Variants in CNGB1 observed in about 807,000 individuals in gnomAD.
CNGB1 encodes cyclic nucleotide gated channel subunit beta 1, also known as cyclic nucleotide-gated channel beta-1.
A neutral mutation model predicts 151.7 loss-of-function variants in CNGB1; 126 were observed. The ratio of observed to expected loss-of-function variants is 0.83; its 90% CI spans 0.72 to 0.96. The LOEUF is 0.96. CNGB1 is among the 40% of genes least tolerant of loss of function. The probability of loss-of-function intolerance (pLI) is 0.00; values close to 1 mark genes in which losing one functional copy is unlikely to be tolerated. For missense variants in CNGB1, 1,698 were observed against 1,627.0 expected (o/e 1.04, Z -0.75); for synonymous variants, 623 against 635.1 (o/e 0.98, Z 0.29).
At position 57,970,296 on chromosome 16, in the gene CNGB1, C is replaced by T. The variant is rs575650527; in HGVS notation, c.-9+764G>A. On this transcript the variant is annotated intron_variant, in intron 1 of 32. Coordinates refer to ENST00000251102, the MANE Select transcript of CNGB1 (RefSeq NM_001297.5). ...TTCACTGACCCCAGCCAGCCCCAGG[C>T]AGCCCCGAGAGCCAGGGCTGAGCTA... 3.4e-4 allele frequency among the ~76,000 whole-genome samples: 52 copies of T among 152,342 alleles called. 1 individual carries two copies. In the East Asian group the frequency reaches 9.6e-3, roughly 28 times the overall value.
At chr16:57,945,428 G>A (rs376211685) in intron 14 of CNGB1, among the ~76,000 whole-genome samples, 191 of 152,356 alleles carry the variant, frequency 1.3e-3, no homozygotes, top group African/African-American at 4.4e-3. Flanking sequence ...TTATTCCAGT[G>A]TCAGACCAGA....
chr16:57,888,174 G>T, intron 31 of CNGB1, 100 bp from the exon 32 acceptor site: 1 of 1,298,254 alleles, frequency 7.7e-7, no homozygotes, highest in Non-Finnish European at 1.1e-6. Flanking sequence ...TGTAGTGGTG[G>T]TGATTTTGGC....
At chr16:57,934,646 G>C (rs181956189) in intron 16 of CNGB1, among the ~76,000 whole-genome samples, 1 of 151,910 alleles carries the variant, frequency 6.6e-6, no homozygotes, top group Admixed American at 6.6e-5. Flanking sequence ...ACAAGGCAAA[G>C]TATAACCTAG....
intron 2 of CNGB1, among the ~76,000 whole-genome samples, chr16:57,965,341 G>A (rs1157005637): frequency 6.6e-6 from 1 of 152,058 alleles, no homozygotes; most frequent in Non-Finnish European, 1.5e-5. Context: ...ACACATATAT[G>A]TGCATACAGT....
At chr16:57,967,680 G>T (rs1962435530) in intron 1 of CNGB1, among the ~76,000 whole-genome samples, 1 of 152,050 alleles carries the variant, frequency 6.6e-6, no homozygotes, top group South Asian at 2.1e-4. Context: ...GCACAACAGA[G>T]TGAGACCCTG....
chr16:57,926,493 C>G (rs1961192826), intron 17 of CNGB1, among the ~76,000 whole-genome samples: 1 of 152,196 alleles, frequency 6.6e-6, no homozygotes, highest in South Asian at 2.1e-4. Context: ...CACCTTGATT[C>G]CAGAAGGCTC....
At chr16:57,970,577 C>T (rs943979543) in intron 1 of CNGB1, among the ~76,000 whole-genome samples, 4 of 152,218 alleles carry the variant, frequency 2.6e-5, no homozygotes, top group Non-Finnish European at 5.9e-5. Flanking sequence ...CCTGTAGACC[C>T]TTCCCAGCAG....
chr16:57,940,931 G>A lies in CNGB1; in HGVS notation c.1122-610C>T, dbSNP rs185718616. 1.3e-3 allele frequency among the ~76,000 whole-genome samples: 198 copies of A among 152,224 alleles called. 4 individuals carry two copies. In the Middle Eastern group the frequency reaches 0.034, roughly 26 times the overall value. On this transcript the variant is annotated intron_variant, in intron 14 of 32. Coordinates refer to ENST00000251102, the MANE Select transcript of CNGB1 (RefSeq NM_001297.5). ...AGGCATACATAAGTGATAGGGCCAG[G>A]GGTGAGGGTGCAGTGGGCAGGGAGG...
At position 57,904,237 on chromosome 16, in the gene CNGB1, A is replaced by G. The variant is rs1301802479; in HGVS notation, c.2635-256T>C. On this transcript the variant is annotated intron_variant, in intron 26 of 32. Coordinates refer to ENST00000251102, the MANE Select transcript of CNGB1 (RefSeq NM_001297.5). ...GGTGGCCTCAGGTCCCTGGGACCAC[A>G]CCATGGGGGAAAGCTCCTTGGGCTG... 1.6e-4 allele frequency among the ~76,000 whole-genome samples: 25 copies of G among 152,176 alleles called. 1 individual carries two copies. Among genetic ancestry groups the G allele is most frequent in the Admixed American group, 5.9e-4 (9 of 15,278 alleles).
chr16:57,895,781 T>C (rs1960206649), intron 31 of CNGB1, among the ~76,000 whole-genome samples: 1 of 152,118 alleles, frequency 6.6e-6, no homozygotes, highest in Non-Finnish European at 1.5e-5. Flanking sequence ...GGGCATCTGG[T>C]TGTGGCTTAC....
Position 57,887,886 on chromosome 16 carries a change from G to A in CNGB1, c.3431C>T (p.Ala1144Val), listed in dbSNP as rs370962776. ...CACCAACTCTTGCTGCTTTGCAGCC[G>A]CCTCCAGCGCGGCCAGTTCTTTGAG... is the stretch of plus-strand genomic sequence containing the variant. The part of the protein sequence containing the change: ...ARLKELAALE[A>V]AAKQQELVEQ... The change falls in exon 32 of 33, where the codon GCG (alanine) becomes GTG (valine). Residue 1144 changes from alanine to valine, a missense_variant. By Grantham distance (64) the Ala-to-Val change is moderately conservative. Coordinates refer to ENST00000251102, the MANE Select transcript of CNGB1 (RefSeq NM_001297.5). The A allele has an allele frequency of 9.3e-6, 15 of 1,614,028 alleles. No individual in the cohort carries two copies. The highest frequency in any genetic ancestry group is 1.3e-5 in the African/African-American group (1 of 74,918).
chr16:57,911,837 T>C lies in CNGB1; in HGVS notation c.2408A>G (p.His803Arg). 6.2e-7 allele frequency: 1 copy of C among 1,614,002 alleles called. No individual in the cohort carries two copies. Among genetic ancestry groups the C allele is most frequent in the African/African-American group, 1.3e-5 (1 of 75,036 alleles). Residue 803 changes from histidine to arginine, a missense_variant, in exon 25 of 33, where the codon CAT (histidine) becomes CGT (arginine). Coordinates refer to ENST00000251102, the MANE Select transcript of CNGB1 (RefSeq NM_001297.5). Reference protein sequence around the residue: ...RTTAYLLYSLHLNSCLYYWAS... With the variant: ...RTTAYLLYSLRLNSCLYYWAS... The stretch of plus-strand genomic sequence containing the variant: ...CCAGTAATAAAGACAGGAATTCAAA[T>C]GCAGGCTGTAGAGAAGGTAGGCTGT...
chr16:57,939,237 T>A lies in CNGB1; in HGVS notation c.1372+193A>T, dbSNP rs76389413. Among the ~76,000 whole-genome samples the A allele has an allele frequency of 6.4e-3, 974 of 152,082 alleles. 7 individuals carry two copies. Among genetic ancestry groups the A allele is most frequent in the African/African-American group, 0.023 (941 of 41,462 alleles). On this transcript the variant is annotated intron_variant, in intron 16 of 32. Coordinates refer to ENST00000251102, the MANE Select transcript of CNGB1 (RefSeq NM_001297.5). Reference sequence around the variant, plus strand: ...AATTCCTTAGAACCTTTGAGATGTATCAGTAGGCTCTGATAATGTGGCCCC... The same window carrying A: ...AATTCCTTAGAACCTTTGAGATGTAACAGTAGGCTCTGATAATGTGGCCCC...
chr16:57,894,435 T>C (rs1960170974), intron 31 of CNGB1, among the ~76,000 whole-genome samples: 2 of 152,134 alleles, frequency 1.3e-5, no homozygotes, highest in Non-Finnish European at 2.9e-5. Flanking sequence ...GCCCCATCTC[T>C]ACTAAAAATA....
intron 16 of CNGB1, among the ~76,000 whole-genome samples, chr16:57,932,400 C>CTTTTT (rs36048770): frequency 3.2e-5 from 4 of 124,504 alleles, no homozygotes; most frequent in African/African-American, 9.4e-5. Flanking sequence ...CTTAAAGATT[C>CTTTTT]TTTTTTTTTT....
chr16:57,922,424 T>C (rs796818143), intron 18 of CNGB1, among the ~76,000 whole-genome samples: 5 of 140,540 alleles, frequency 3.6e-5, no homozygotes, highest in African/African-American at 1.6e-4. Flanking sequence ...TCTTTCTTTC[T>C]TTCTTTCTTT....
chr16:57,898,627 G>A (rs1960299122), intron 29 of CNGB1, among the ~76,000 whole-genome samples: 1 of 152,168 alleles, frequency 6.6e-6, no homozygotes, highest in Admixed American at 6.5e-5. Flanking sequence ...CGTTGGCCAG[G>A]CTGGTCTCGA....
Position 57,949,207 on chromosome 16 carries a change from C to G in CNGB1, c.1121+146G>C, listed in dbSNP as rs1382444827. The G allele has an allele frequency of 2.1e-6, 3 of 1,454,012 alleles. No individual in the cohort carries two copies. The Admixed American group carries it at 5.6e-5, about 27-fold the overall frequency. 90.1% of individuals were successfully genotyped at this position (1,454,012 alleles called of 1,614,324 possible). A position where few individuals can be genotyped will look rare whatever the true frequency, so the allele number is the denominator to read the frequency against. On this transcript the variant is annotated intron_variant, in intron 14 of 32. Coordinates refer to ENST00000251102, the MANE Select transcript of CNGB1 (RefSeq NM_001297.5). ...GCACAGCAGGGGAACCCCAGCTTCT[C>G]GCAGCCTCTTTGGTCAAAGCCCAGC...
intron 31 of CNGB1, among the ~76,000 whole-genome samples, chr16:57,890,724 G>A (rs1294444064): frequency 6.6e-6 from 1 of 152,216 alleles, no homozygotes; most frequent in Non-Finnish European, 1.5e-5. Context: ...CTGCAAAGCA[G>A]GGAGCTTGGA....
Sources: gnomAD v4.1 joint callset for allele counts (sites outside exome capture counted in the v4.1 genomes callset) on GRCh38, gnomAD v4.1.1 for gene constraint, MANE v1.5 for transcripts, NCBI Gene and HGNC (gene_info 2026-07-23, HGNC 2026-07-21) for gene names.